Variants in ARIH2 observed in about 807,000 individuals in gnomAD.
The protein encoded by ARIH2 is ariadne RBR E3 ubiquitin protein ligase 2, also known as E3 ubiquitin-protein ligase ARIH2.
In ARIH2, 12 loss-of-function variants were observed where a neutral mutation model predicts 79.8. The observed-to-expected ratio is 0.15, with a 90% CI of 0.10 to 0.24. The LOEUF (loss-of-function observed/expected upper bound fraction) is 0.24, where lower values mean the gene tolerates loss of function less well. Ranked by LOEUF, ARIH2 falls within the 10% of genes least tolerant of loss-of-function variation. The pLI is 1.00. For missense variants in ARIH2, 301 were observed against 618.3 expected, an observed-to-expected ratio of 0.49 and a Z score of 5.44; for synonymous variants, 224 against 213.9, an observed-to-expected ratio of 1.05 and a Z score of -0.41.
chr3:48,953,234 A>G (rs983216344), intron 3 of ARIH2, among the ~76,000 whole-genome samples: 2 of 151,480 alleles, frequency 1.3e-5, no homozygotes, highest in Non-Finnish European at 2.9e-5. Flanking sequence ...CTGGCCAGCA[A>G]TTCTGAGTAG....
intron 3 of ARIH2, among the ~76,000 whole-genome samples, chr3:48,936,719 C>T (rs1426195690): frequency 2.0e-5 from 3 of 150,120 alleles, no homozygotes; most frequent in African/African-American, 4.9e-5. Context: ...GGCAACAGAG[C>T]GAGACTCTGT....
intron 8 of ARIH2, 51 bp downstream of exon 8, chr3:48,970,755 C>T (rs746947102): frequency 7.2e-7 from 1 of 1,382,414 alleles, no homozygotes; most frequent in South Asian, 1.2e-5. Context: ...CCCCATCCTC[C>T]AAAGCACCAC....
chr3:48,926,627 T>G (rs767874449), intron 2 of ARIH2: 1 of 152,084 alleles, frequency 6.6e-6, no homozygotes, highest in Non-Finnish European at 1.5e-5. Flanking sequence ...CTTGGCTCAC[T>G]GTAAACTCTG....
intron 3 of ARIH2, among the ~76,000 whole-genome samples, chr3:48,957,248 G>A (rs1346710567): frequency 6.6e-6 from 1 of 152,256 alleles, no homozygotes; most frequent in African/African-American, 2.4e-5. Context: ...ACTACCTAGT[G>A]TGTTAATTCT....
At chr3:48,922,212 A>G (rs2084917934) in intron 1 of ARIH2, 1 of 152,024 alleles carries the variant, frequency 6.6e-6, no homozygotes. Context: ...TGACAGAGGG[A>G]GGCCCTGTCT....
chr3:48,981,315 G>A (rs2092742594), intron 13 of ARIH2, among the ~76,000 whole-genome samples: 1 of 148,442 alleles, frequency 6.7e-6, no homozygotes, highest in Non-Finnish European at 1.5e-5. Flanking sequence ...CTGGGCAACA[G>A]AACAAAACCT....
rs759369585 is a variant in ARIH2, at chr3:48,940,808, A to AAAAATATAT, written c.255+12996_255+12997insAAATATATA. 8.5e-3 allele frequency among the ~76,000 whole-genome samples: 833 copies of AAAAATATAT among 97,916 alleles called. 27 individuals are homozygous for AAAAATATAT. The highest frequency in any genetic ancestry group is 0.031 in the African/African-American group (740 of 24,250). The allele number at this position is 97,916 out of a possible 152,430, so 64.2% of individuals were successfully genotyped here. A position where few individuals can be genotyped will look rare whatever the true frequency, so the allele number is the denominator to read the frequency against. ...AGACTCCGTCTCAAAAAAAAAAAAA[A>AAAAATATAT]ATATATATATATATATATATAGCCA... On this transcript the variant is annotated intron_variant, in intron 3 of 15. Transcript: ENST00000356401.
chr3:48,939,113 G>T (rs1465696754), intron 3 of ARIH2, among the ~76,000 whole-genome samples: 2 of 151,788 alleles, frequency 1.3e-5, no homozygotes, highest in East Asian at 1.9e-4. Context: ...GACTACAGGC[G>T]CCTGCCACCA....
intron 3 of ARIH2, among the ~76,000 whole-genome samples, chr3:48,954,586 T>C (rs1436369223): frequency 6.6e-6 from 1 of 152,178 alleles, no homozygotes; most frequent in East Asian, 1.9e-4. Context: ...CTGTAAGTAT[T>C]CTTTACTCAT....
chr3:48,923,173 C>A (rs1286466909), intron 2 of ARIH2, among the ~76,000 whole-genome samples: 1 of 151,394 alleles, frequency 6.6e-6, no homozygotes, highest in Non-Finnish European at 1.5e-5. Context: ...CGCCACTGCA[C>A]TCCAGCCTGG....
intron 3 of ARIH2, chr3:48,934,960 G>T (rs2086910119): frequency 3.0e-6 from 3 of 984,812 alleles, no homozygotes; most frequent in Non-Finnish European, 3.6e-6. Flanking sequence ...CGGTATTTGT[G>T]TGTGTTTGTT....
intron 8 of ARIH2, among the ~76,000 whole-genome samples, chr3:48,972,759 G>A (rs1222815289): frequency 7.2e-5 from 11 of 151,982 alleles, no homozygotes; most frequent in Non-Finnish European, 1.2e-4. Flanking sequence ...AGTTGTCCAC[G>A]TTGCAGTACA....
chr3:48,945,958 CAG>C (rs1446010149), intron 3 of ARIH2, among the ~76,000 whole-genome samples: 4 of 152,138 alleles, frequency 2.6e-5, no homozygotes, highest in Admixed American at 6.5e-5. Context: ...TCAGAGGACA[CAG>C]AGATTCAAAG....
chr3:48,979,589 C>T lies in ARIH2; in HGVS notation c.1069C>T (p.Gln357Ter), dbSNP rs1388853437. 6.2e-7 allele frequency: 1 copy of T among 1,614,204 alleles called. No homozygotes were observed. Among genetic ancestry groups the T allele is most frequent in the South Asian group, 1.1e-5 (1 of 91,090 alleles). ...CATCGTGAACCAGAGCCAACAAGCC[C>T]AGGCGAGGGAAGCCCTCAAGAAGTA... Reference protein sequence around the residue: ...PDIVNQSQQAQAREALKKYLF... With the variant: ...PDIVNQSQQA Residue 357 changes from glutamine (Q) to a stop codon, truncating the protein, a stop_gained, in exon 12 of 16, where the codon CAG (glutamine) becomes TAG (stop). Transcript: ENST00000356401. LOFTEE classifies it high-confidence loss of function.
intron 3 of ARIH2, among the ~76,000 whole-genome samples, chr3:48,955,929 C>G (rs936076148): frequency 3.9e-5 from 6 of 152,226 alleles, no homozygotes; most frequent in African/African-American, 7.2e-5. Flanking sequence ...CTGTTTTTCT[C>G]CATCTCTGTG....
intron 3 of ARIH2, among the ~76,000 whole-genome samples, chr3:48,928,229 T>C (rs2085898508): frequency 6.6e-6 from 1 of 152,242 alleles, no homozygotes; most frequent in Non-Finnish European, 1.5e-5. Flanking sequence ...CCCTCTGGTT[T>C]GCCCTGAATA....
intron 1 of ARIH2, 69 bp downstream of exon 1, chr3:48,919,067 C>T: frequency 6.1e-6 from 8 of 1,305,856 alleles, no homozygotes; most frequent in Non-Finnish European, 7.8e-6. Flanking sequence ...CTCCGCGCGC[C>T]TCCCTGGCCG....
Position 48,983,547 on chromosome 3 carries a change from GC to G in ARIH2, c.*278del. 1 of 469,332 alleles carries G rather than the reference GC, an allele frequency of 2.1e-6. No individual in the cohort carries two copies. Among genetic ancestry groups the G allele is most frequent in the South Asian group, 2.8e-5 (1 of 36,244 alleles). The allele number at this position is 469,332 out of a possible 1,614,324, so 29.1% of individuals were successfully genotyped here. On this transcript the variant is annotated 3_prime_UTR_variant, in exon 16 of 16. Coordinates refer to ENST00000356401, the MANE Select transcript of ARIH2 (RefSeq NM_006321.4). ...AGGGAGGGAAAGTGTTTTCTGAATGGCTATTAATAGTATTAGATCATTACAA... is the reference window on the plus strand; with the variant it reads ...AGGGAGGGAAAGTGTTTTCTGAATGGTATTAATAGTATTAGATCATTACAA...
intron 10 of ARIH2, 27 bp downstream of exon 10, chr3:48,974,894 T>C (rs1166272577): frequency 1.9e-6 from 3 of 1,614,098 alleles, no homozygotes; most frequent in Non-Finnish European, 2.5e-6. Context: ...GCAGTTTGCA[T>C]GTGTGACATG....
Sources: gnomAD v4.1 joint callset for allele counts (sites outside exome capture counted in the v4.1 genomes callset) on GRCh38, gnomAD v4.1.1 for gene constraint, MANE v1.5 for transcripts, NCBI Gene and HGNC (gene_info 2026-07-23, HGNC 2026-07-21) for gene names.